PSD3: variants seen among roughly 807,000 people sequenced by gnomAD.
PSD3 encodes PH and SEC7 domain-containing protein 3.
PSD3 carries 49 observed loss-of-function variants against 105.5 expected under a neutral mutation model. That is an observed-to-expected ratio of 0.46 (90% CI 0.37 to 0.59). The LOEUF (loss-of-function observed/expected upper bound fraction) is 0.59. Ranked by LOEUF, PSD3 falls within the 20% of genes least tolerant of loss-of-function variation. The pLI is 0.00. For synonymous variants in PSD3, 557 were observed against 457.8 expected (o/e 1.22, Z -2.77); for missense variants, 1,561 against 1,263.8 (o/e 1.24, Z -3.57).
upstream of PSD3, chr8:19,014,360 A>C (rs1827106012): frequency 6.6e-6 from 1 of 152,260 alleles, no homozygotes; most frequent in Admixed American, 6.5e-5. This position sits in a 1 kb window ranked among gnomAD's most constrained non-coding sequence, Gnocchi z 4.9. Context: ...GGCGCCCCGC[A>C]GCCTGGCCTC....
chr8:18,767,894 TAGTGAATTCATTTGAA>T (rs1358508510), intron 8 of PSD3, among the ~76,000 whole-genome samples: 3 of 152,062 alleles, frequency 2.0e-5, no homozygotes, highest in Non-Finnish European at 2.9e-5. Context: ...GAACAGCACC[TAGTGAATTCATTTGAA>T]AGTGAATTCA....
At chr8:18,949,250 T>A (rs1273809083) in intron 1 of PSD3, among the ~76,000 whole-genome samples, 2,375 of 51,152 alleles carry the variant, frequency 0.046, 129 homozygotes, top group African/African-American at 0.12. Flanking sequence ...AAAAAATATA[T>A]ATATATATAT....
At chr8:19,023,938 A>C (rs570410028) in intron 1 of PSD3, among the ~76,000 whole-genome samples, 1 of 152,224 alleles carries the variant, frequency 6.6e-6, no homozygotes. Flanking sequence ...TATGCACTGT[A>C]CTGTACTGAC....
intron 8 of PSD3, among the ~76,000 whole-genome samples, chr8:18,792,789 C>G (rs1229496649): frequency 6.6e-6 from 1 of 152,164 alleles, no homozygotes; most frequent in African/African-American, 2.4e-5. Context: ...GGATCTGGAA[C>G]TAGAAATACC....
intron 12 of PSD3, among the ~76,000 whole-genome samples, chr8:18,585,661 A>G (rs978027349): frequency 6.6e-6 from 1 of 152,160 alleles, no homozygotes; most frequent in Admixed American, 6.5e-5. Context: ...ATAATCAAGA[A>G]AGGACTAAAA....
chr8:18,591,698 T>A (rs1358094502), intron 12 of PSD3, among the ~76,000 whole-genome samples: 2 of 152,144 alleles, frequency 1.3e-5, no homozygotes, highest in Admixed American at 1.3e-4. Flanking sequence ...GAGCAGAGTA[T>A]GCATCCAGCA....
chr8:18,600,269 A>G lies in PSD3; in HGVS notation c.2481+95T>C, dbSNP rs1804339078. 5 of 1,143,920 alleles carry G rather than the reference A, an allele frequency of 4.4e-6. No individual in the cohort carries two copies. The South Asian group carries it at 7.0e-5, about 16-fold the overall frequency. 70.9% of individuals were successfully genotyped at this position (1,143,920 alleles called of 1,614,324 possible). On this transcript the variant is annotated intron_variant, in intron 12 of 15. Transcript: ENST00000327040. ...CAGCAAACAAACTGCAGAAAGTGAA[A>G]CCACAGATAAGGGAGACTACCGTAC...
chr8:18,824,576 T>A (rs1225174969), intron 4 of PSD3, among the ~76,000 whole-genome samples: 2 of 152,198 alleles, frequency 1.3e-5, no homozygotes, highest in African/African-American at 2.4e-5. Context: ...CCAGAATTCT[T>A]GATTTTACAA....
intron 2 of PSD3, among the ~76,000 whole-genome samples, chr8:18,929,668 C>T (rs553386351): frequency 2.6e-5 from 4 of 152,258 alleles, no homozygotes; most frequent in East Asian, 3.9e-4. Context: ...TATCTGGGAA[C>T]CCAAACTTTC....
chr8:18,957,751 A>T (rs905412405), intron 1 of PSD3, among the ~76,000 whole-genome samples: 1 of 152,190 alleles, frequency 6.6e-6, no homozygotes, highest in African/African-American at 2.4e-5. Flanking sequence ...GAGGCTCTCT[A>T]GCAGGAAGCC....
intron 12 of PSD3, among the ~76,000 whole-genome samples, chr8:18,595,490 C>CAG (rs1259123532): frequency 2.8e-5 from 3 of 108,110 alleles, no homozygotes; most frequent in Non-Finnish European, 6.1e-5. Flanking sequence ...GGGACAGATG[C>CAG]AGAGAGAGAG....
At chr8:19,054,591 T>C (rs1225032086) in intron 1 of PSD3, among the ~76,000 whole-genome samples, 1 of 152,240 alleles carries the variant, frequency 6.6e-6, no homozygotes, top group East Asian at 1.9e-4. Context: ...ATTTTTTATA[T>C]GCTGAAAATG....
chr8:19,055,308 C>T (rs1022869597), intron 1 of PSD3, among the ~76,000 whole-genome samples: 4 of 152,128 alleles, frequency 2.6e-5, no homozygotes, highest in African/African-American at 7.2e-5. Flanking sequence ...GGCTGGAGTG[C>T]AATGGCAGAG....
chr8:18,674,079 G>C (rs899288761), intron 9 of PSD3, among the ~76,000 whole-genome samples: 2 of 152,140 alleles, frequency 1.3e-5, no homozygotes, highest in African/African-American at 2.4e-5. Flanking sequence ...CCAGGAAGTG[G>C]AGGGTGCAGT....
chr8:18,563,811 G>A (rs1164554756), intron 14 of PSD3, among the ~76,000 whole-genome samples: 1 of 152,164 alleles, frequency 6.6e-6, no homozygotes, highest in Non-Finnish European at 1.5e-5. Context: ...AAGGGTAAGT[G>A]ACATAATTAG....
chr8:18,780,542 T>A (rs1808507861), intron 8 of PSD3, among the ~76,000 whole-genome samples: 1 of 151,866 alleles, frequency 6.6e-6, no homozygotes, highest in Non-Finnish European at 1.5e-5. Flanking sequence ...AACACTTGCC[T>A]CCTCTATTTA....
rs1217928634 is a variant in PSD3 at position 18,754,461 on chromosome 8, A to G, written c.2172+10988T>C. Among the ~76,000 whole-genome samples the G allele has an allele frequency of 2.0e-5, 3 of 152,164 alleles. No homozygotes were observed. The East Asian group carries it at 5.8e-4, about 29-fold the overall frequency. On this transcript the variant is annotated intron_variant, in intron 9 of 15. Transcript: ENST00000327040. ...GTCTGTGTTCTATTAAATTCATCTT[A>G]TTAAAATCAGTTGGATTTGGCTATT...
At chr8:18,608,532 T>A (rs971696956) in intron 11 of PSD3, among the ~76,000 whole-genome samples, 1 of 152,224 alleles carries the variant, frequency 6.6e-6, no homozygotes, top group Non-Finnish European at 1.5e-5. Context: ...GAATCTTAAA[T>A]ATTACAAACC....
intron 1 of PSD3, among the ~76,000 whole-genome samples, chr8:19,031,862 C>T (rs1827783898): frequency 1.3e-5 from 2 of 152,208 alleles, no homozygotes; most frequent in South Asian, 4.1e-4. Context: ...AACTCAATCT[C>T]AGTTTACAGA....
Sources: gnomAD v4.1 joint callset for allele counts (sites outside exome capture counted in the v4.1 genomes callset) on GRCh38, gnomAD v4.1.1 for gene constraint, Gnocchi (gnomAD v3.1) non-coding constraint, MANE v1.5 for transcripts, NCBI Gene and HGNC (gene_info 2026-07-23, HGNC 2026-07-21) for gene names.